The following KCNK9 variants were observed in gnomAD, a reference collection of about 807,000 sequenced individuals.
The protein encoded by KCNK9 is potassium two pore domain channel subfamily K member 9.
A neutral mutation model predicts 10.8 loss-of-function variants in KCNK9; 1 was observed. That is an observed-to-expected ratio of 0.09 (90% CI 0.03 to 0.44). The LOEUF is 0.44. KCNK9 is among the 20% of genes least tolerant of loss of function. The pLI is 0.97. For missense variants in KCNK9, 303 were observed against 515.0 expected (o/e 0.59, Z 3.98); for synonymous variants, 231 against 222.7 (o/e 1.04, Z -0.33).
At chr8:139,602,961 A>C (rs1461047610) in intron 2 of KCNK9, among the ~76,000 whole-genome samples, 1 of 152,124 alleles carries the variant, frequency 6.6e-6, no homozygotes, top group African/African-American at 2.4e-5. Flanking sequence ...GTTGCCCTAG[A>C]GCATAACTGC....
intron 1 of KCNK9, among the ~76,000 whole-genome samples, chr8:139,657,576 C>T (rs1187775652): frequency 6.6e-6 from 1 of 152,170 alleles, no homozygotes; most frequent in African/African-American, 2.4e-5. Flanking sequence ...CAAAACCCCC[C>T]AGAGCCAGAG....
Position 139,618,318 on chromosome 8 carries a change from A to T in KCNK9, c.1065T>A (p.Ser355=). The change falls in exon 2 of 2, where the codon TCT becomes TCA. Residue 355 remains serine, a synonymous_variant. Coordinates refer to ENST00000520439, the MANE Select transcript of KCNK9 (RefSeq NM_001282534.2). The surrounding 1 kb of genome is among the most constrained non-coding windows in gnomAD (Gnocchi z 7.9). The stretch of plus-strand genomic sequence containing the variant: ...GGTCGGTAAAGCTGTGTAACCCAGG[A>T]GAGATGGAGCTAATAGGCGATGGGA... ...SLFPSPISSI[S]PGLHSFTDHQ... 6.2e-7 allele frequency: 1 copy of T among 1,614,096 alleles called. No individual in the cohort carries two copies.
chr8:139,686,428 ACAAAC>A (rs1195471612), intron 1 of KCNK9, among the ~76,000 whole-genome samples: 1 of 152,204 alleles, frequency 6.6e-6, no homozygotes, highest in Non-Finnish European at 1.5e-5. Flanking sequence ...AAAAAAACAA[ACAAAC>A]CCATCAAAAA....
chr8:139,659,820 C>A (rs1245320594), intron 1 of KCNK9, among the ~76,000 whole-genome samples: 2 of 151,960 alleles, frequency 1.3e-5, no homozygotes, highest in African/African-American at 4.8e-5. Flanking sequence ...CTGCACCCGG[C>A]CTATTCTTAC....
intron 1 of KCNK9, among the ~76,000 whole-genome samples, chr8:139,629,661 A>G (rs546653339): frequency 7.9e-5 from 12 of 152,128 alleles, no homozygotes; most frequent in African/African-American, 2.9e-4. Context: ...TCTGGAGCCT[A>G]GAACTCCACA....
intron 1 of KCNK9, among the ~76,000 whole-genome samples, chr8:139,647,414 T>C (rs1815723075): frequency 6.6e-6 from 1 of 152,220 alleles, no homozygotes; most frequent in African/African-American, 2.4e-5. Flanking sequence ...GGTCTTTGCC[T>C]TTGTGCAGCT....
intron 1 of KCNK9, among the ~76,000 whole-genome samples, chr8:139,621,124 T>C (rs931574778): frequency 6.6e-6 from 1 of 151,934 alleles, no homozygotes; most frequent in Non-Finnish European, 1.5e-5. Context: ...CTCTACTAAT[T>C]TTGTAAAAAT....
intron 1 of KCNK9, among the ~76,000 whole-genome samples, chr8:139,690,316 C>T (rs1438474062): frequency 2.0e-5 from 3 of 151,962 alleles, no homozygotes; most frequent in Admixed American, 6.6e-5. Context: ...ATAGGATTGT[C>T]GAGAGGATGG....
chr8:139,687,869 C>T (rs1410932487), intron 1 of KCNK9, among the ~76,000 whole-genome samples: 1 of 151,602 alleles, frequency 6.6e-6, no homozygotes, highest in African/African-American at 2.4e-5. Context: ...ATTTCATTTA[C>T]ACATGCATCA....
intron 1 of KCNK9, among the ~76,000 whole-genome samples, chr8:139,632,467 C>T (rs1292687218): frequency 6.6e-6 from 1 of 152,206 alleles, no homozygotes; most frequent in Non-Finnish European, 1.5e-5. Flanking sequence ...CTAGCAGAGA[C>T]AGACAGTGTC....
At chr8:139,622,636 C>T (rs1563719942) in intron 1 of KCNK9, among the ~76,000 whole-genome samples, 1 of 152,168 alleles carries the variant, frequency 6.6e-6, no homozygotes, top group Non-Finnish European at 1.5e-5. Context: ...CCTACGTGTT[C>T]GAGAAGAATT....
intron 1 of KCNK9, among the ~76,000 whole-genome samples, chr8:139,688,579 G>A (rs1028292014): frequency 1.1e-4 from 14 of 125,304 alleles, no homozygotes; most frequent in Non-Finnish European, 1.7e-4. Context: ...CCCTCAACAC[G>A]TGGGGATTAC....
rs73724567 is a variant in KCNK9 at position 139,605,142 on chromosome 8, G to A, written c.*1-3541C>T. The stretch of plus-strand genomic sequence containing the variant: ...ACACTGAGCACCTGCTAACTGCCTC[G>A]TTTTCCCTTCTTGTGTCCATACACA... On this transcript the variant is annotated intron_variant, in intron 2 of 2. Coordinates refer to the KCNK9 transcript ENST00000650269. 3.6e-3 allele frequency among the ~76,000 whole-genome samples: 546 copies of A among 152,348 alleles called. 4 individuals are homozygous for A. Among genetic ancestry groups the A allele is most frequent in the African/African-American group, 0.011 (466 of 41,586 alleles).
chr8:139,615,789 C>A (rs952647069), downstream of KCNK9: 1 of 151,866 alleles, frequency 6.6e-6, no homozygotes, highest in Non-Finnish European at 1.5e-5. Flanking sequence ...TTCTATAGTT[C>A]CTGGGAATAG....
intron 1 of KCNK9, among the ~76,000 whole-genome samples, chr8:139,691,374 A>G (rs1816930849): frequency 6.6e-6 from 1 of 152,230 alleles, no homozygotes; most frequent in Non-Finnish European, 1.5e-5. Context: ...ATCCTGAAAT[A>G]GTAAGAACAT....
chr8:139,637,780 C>T (rs1471177996), intron 1 of KCNK9, among the ~76,000 whole-genome samples: 2 of 151,928 alleles, frequency 1.3e-5, no homozygotes, highest in Admixed American at 1.3e-4. Context: ...CACACACACA[C>T]ACACAATAAT....
At chr8:139,674,573 C>T (rs770146263) in intron 1 of KCNK9, among the ~76,000 whole-genome samples, 2 of 152,314 alleles carry the variant, frequency 1.3e-5, no homozygotes, top group East Asian at 3.9e-4. Flanking sequence ...CTAGGCCACA[C>T]AGCAAAAGGG....
At chr8:139,667,396 T>C (rs1002170474) in intron 1 of KCNK9, among the ~76,000 whole-genome samples, 2 of 152,080 alleles carry the variant, frequency 1.3e-5, no homozygotes, top group African/African-American at 4.8e-5. Flanking sequence ...CAAATGAATG[T>C]GCATAAAAAC....
chr8:139,691,893 G>A (rs771802700), intron 1 of KCNK9, among the ~76,000 whole-genome samples: 3 of 152,216 alleles, frequency 2.0e-5, no homozygotes, highest in Non-Finnish European at 2.9e-5. Context: ...TTCCCTTGCA[G>A]CTAGAGTTGG....
Sources: allele counts gnomAD v4.1 joint callset (sites outside exome capture counted in the v4.1 genomes callset), GRCh38; gene constraint gnomAD v4.1.1; non-coding constraint Gnocchi (gnomAD v3.1); transcripts MANE v1.5; gene names NCBI Gene and HGNC (gene_info 2026-07-23, HGNC 2026-07-21).